Variants in ADAM19 observed in about 807,000 individuals in gnomAD.
The protein encoded by ADAM19 is disintegrin and metalloproteinase domain-containing protein 19.
A neutral mutation model predicts 114.7 loss-of-function variants in ADAM19; 65 were observed. The observed-to-expected ratio is 0.57, with a 90% CI of 0.46 to 0.70. The LOEUF (loss-of-function observed/expected upper bound fraction) is 0.70, where lower values mean the gene tolerates loss of function less well. Ranked by LOEUF, ADAM19 falls within the 30% of genes least tolerant of loss-of-function variation. ADAM19 has a pLI of 0.00. For synonymous variants in ADAM19, 466 were observed against 460.5 expected, an observed-to-expected ratio of 1.01 and a Z score of -0.15; for missense variants, 1,063 against 1,204.7, an observed-to-expected ratio of 0.88 and a Z score of 1.74.
chr5:157,553,383 T>TA (rs1757258723), intron 3 of ADAM19, among the ~76,000 whole-genome samples: 1 of 152,216 alleles, frequency 6.6e-6, no homozygotes, highest in South Asian at 2.1e-4. Flanking sequence ...TTTCATGGGC[T>TA]AAAAAGTAAG....
At chr5:157,553,657 T>G (rs1757266007) in intron 3 of ADAM19, among the ~76,000 whole-genome samples, 1 of 152,214 alleles carries the variant, frequency 6.6e-6, no homozygotes, top group Non-Finnish European at 1.5e-5. Flanking sequence ...CAGAAATACT[T>G]GCAAATGTGC....
chr5:157,505,267 A>ATC (rs1755704732), intron 11 of ADAM19, among the ~76,000 whole-genome samples: 1 of 152,058 alleles, frequency 6.6e-6, no homozygotes, highest in Non-Finnish European at 1.5e-5. Context: ...GTTCTGTTAC[A>ATC]TCGGAGCTTT....
chr5:157,569,080 T>C (rs1460756521), intron 2 of ADAM19: 1 of 152,128 alleles, frequency 6.6e-6, no homozygotes, highest in Non-Finnish European at 1.5e-5. Flanking sequence ...CCCAAGATCT[T>C]AATTGTTAAA....
At chr5:157,501,693 T>C (rs1755567101) in intron 12 of ADAM19, among the ~76,000 whole-genome samples, 1 of 152,080 alleles carries the variant, frequency 6.6e-6, no homozygotes, top group Admixed American at 6.6e-5. Context: ...GTGGCATCCT[T>C]GACTAGTTCT....
At chr5:157,550,459 T>C (rs1561553150) in intron 3 of ADAM19, among the ~76,000 whole-genome samples, 1 of 152,166 alleles carries the variant, frequency 6.6e-6, no homozygotes, top group African/African-American at 2.4e-5. Flanking sequence ...CCAAATAAGG[T>C]CACTTTGAGG....
At chr5:157,548,444 T>C (rs73297238) in intron 3 of ADAM19, among the ~76,000 whole-genome samples, 3,279 of 152,238 alleles carry the variant, frequency 0.022, 131 homozygotes, top group African/African-American at 0.076. Flanking sequence ...AGGAATAACA[T>C]AAATTAGGAA....
At chr5:157,551,180 G>A (rs528282945) in intron 3 of ADAM19, among the ~76,000 whole-genome samples, 5 of 151,988 alleles carry the variant, frequency 3.3e-5, no homozygotes, top group South Asian at 2.1e-4. Flanking sequence ...CGAGGCAGGC[G>A]AATCACCTGA....
chr5:157,501,005 G>T (rs1470208652), intron 12 of ADAM19, among the ~76,000 whole-genome samples: 3 of 152,148 alleles, frequency 2.0e-5, no homozygotes, highest in African/African-American at 4.8e-5. Flanking sequence ...GTCTGCCTGA[G>T]GCCTACCTCA....
Position 157,509,383 on chromosome 5 carries a change from G to C in ADAM19, c.823C>G (p.Pro275Ala). The change falls in exon 9 of 23, where the codon CCA becomes GCA. Residue 275 changes from proline (P) to alanine (A), a missense_variant. Around this residue, in one of 3 missense-constraint regions of ADAM19, gnomAD observed 615 missense variants for 706.3 expected, o/e 0.87. Transcript: ENST00000257527. ...AGAAAGGACCAGAGGGTAGAATATG[G>C]ATTCTCTGAAACTTCACACATGTTC... ...HGNMCEVSEN[P>A]YSTLWSFLSW... is the part of the protein sequence containing the mutation. The C allele has an allele frequency of 1.2e-6, 2 of 1,613,664 alleles. 1 individual carries two copies.
At chr5:157,520,098 C>G in intron 5 of ADAM19, 67 bp from the exon 6 acceptor site, 1 of 1,464,550 alleles carries the variant, frequency 6.8e-7, no homozygotes, top group South Asian at 1.3e-5. Flanking sequence ...TTGTGTAGGT[C>G]TTAGTTTCTC....
chr5:157,485,448 G>A lies in ADAM19; in HGVS notation c.2550+2817C>T, dbSNP rs12655736. ...CAGAAGCATCTATGGGCCCCTTGCA[G>A]GAACTACACCTCTCTCCTGCCTAAA... On this transcript the variant is annotated intron_variant, in intron 21 of 22. Transcript: ENST00000257527. 3.3e-5 allele frequency among the ~76,000 whole-genome samples: 5 copies of A among 152,132 alleles called. No individual in the cohort carries two copies. In the East Asian group the frequency reaches 9.6e-4, roughly 29 times the overall value.
At chr5:157,500,501 T>C (rs2113712586) in intron 12 of ADAM19, among the ~76,000 whole-genome samples, 1 of 152,308 alleles carries the variant, frequency 6.6e-6, no homozygotes, top group South Asian at 2.1e-4. Flanking sequence ...ATGTTTTGTT[T>C]TTCTAATCCC....
chr5:157,543,344 G>A (rs909143696), intron 3 of ADAM19, among the ~76,000 whole-genome samples: 4 of 152,206 alleles, frequency 2.6e-5, no homozygotes, highest in African/African-American at 4.8e-5. Context: ...CAGTATCACA[G>A]CGATGCTGAG....
chr5:157,572,459 G>A (rs998154275), intron 1 of ADAM19, among the ~76,000 whole-genome samples: 5 of 152,100 alleles, frequency 3.3e-5, no homozygotes, highest in African/African-American at 1.2e-4. Context: ...AATCTATTCT[G>A]TCTAAACTAA....
At chr5:157,512,713 G>A (rs1755959898) in intron 8 of ADAM19, among the ~76,000 whole-genome samples, 1 of 152,228 alleles carries the variant, frequency 6.6e-6, no homozygotes, top group Non-Finnish European at 1.5e-5. Context: ...ACCTAGGAAA[G>A]TTAACCACTG....
At chr5:157,549,270 T>A (rs866188555) in intron 3 of ADAM19, among the ~76,000 whole-genome samples, 11 of 152,144 alleles carry the variant, frequency 7.2e-5, no homozygotes, top group Admixed American at 6.5e-5. Flanking sequence ...AATGGGAGAA[T>A]TAAAATATTG....
At chr5:157,563,591 T>G (rs1757572912) in intron 3 of ADAM19, among the ~76,000 whole-genome samples, 1 of 152,116 alleles carries the variant, frequency 6.6e-6, no homozygotes. Context: ...ATCTGCGACG[T>G]CTGTGTGGCA....
chr5:157,524,412 C>A (rs923423711), intron 5 of ADAM19, among the ~76,000 whole-genome samples: 2 of 152,222 alleles, frequency 1.3e-5, no homozygotes, highest in African/African-American at 4.8e-5. Context: ...CCAGGCCAGG[C>A]AGGCACCAAG....
At chr5:157,509,654 T>A (rs1755854018) in intron 8 of ADAM19, among the ~76,000 whole-genome samples, 187 bp from the exon 9 acceptor site, 1 of 152,242 alleles carries the variant, frequency 6.6e-6, no homozygotes. Context: ...ATTTCTCTTC[T>A]GCCCATGGCT....
Sources: allele counts gnomAD v4.1 joint callset (sites outside exome capture counted in the v4.1 genomes callset), GRCh38; gene constraint gnomAD v4.1.1; regional missense constraint gnomAD v4.1.1; transcripts MANE v1.5; gene names NCBI Gene and HGNC (gene_info 2026-07-23, HGNC 2026-07-21).